Variants in GK observed in about 807,000 individuals in gnomAD.
GK encodes glycerol kinase.
GK carries 9 observed loss-of-function variants against 56.4 expected under a neutral mutation model. The observed-to-expected ratio is 0.16, with a 90% CI of 0.10 to 0.28. GK has a LOEUF of 0.28. Among genes scored for constraint, GK ranks in the 10% least tolerant of loss-of-function variants. GK has a pLI of 1.00. For synonymous variants in GK, 104 were observed against 144.1 expected (o/e 0.72, Z 1.99); for missense variants, 161 against 431.4 (o/e 0.37, Z 5.55).
chrX:30,698,766 T>C (rs1452694438), intron 9 of GK, among the ~76,000 whole-genome samples: 25 of 99,726 alleles, frequency 2.5e-4, no homozygotes, highest in African/African-American at 9.5e-4. Flanking sequence ...CTCGGGAGGC[T>C]GAGGCAGGAG....
rs1181532532 is a variant in GK at position 30,720,755 on chromosome X, C to A, written c.1357+14C>A. 8.3e-7 allele frequency: 1 copy of A among 1,209,312 alleles called. No individual in the cohort carries two copies. On this transcript the variant is annotated intron_variant, in intron 17 of 20. Transcript: ENST00000427190. ...ATATACCAGTAGGTTAGTAAGTCTT[C>A]ATTCCTTTAAACTCCCAGAGTAATG...
In GK at chrX:30,696,651, G is replaced by A; in HGVS notation, c.697G>A (p.Val233Ile). Residue 233 changes from valine to isoleucine, a missense_variant, in exon 8 of 21, where the codon GTC becomes ATC. By Grantham distance (29) the Val-to-Ile change is conservative. Coordinates refer to ENST00000427190, the MANE Select transcript of GK (RefSeq NM_001205019.2). ...AATTCCAATGGAAATTCTTCCAAATGTCCGGAGTTCTTCTGAGATCTATGG... is the reference window on the plus strand; with the variant it reads ...AATTCCAATGGAAATTCTTCCAAATATCCGGAGTTCTTCTGAGATCTATGG... ...FGIPMEILPN[V>I]RSSSEIYGLM... The A allele has an allele frequency of 8.3e-7, 1 of 1,202,589 alleles. No homozygotes were observed. The highest frequency in any genetic ancestry group is 1.1e-6 in the Non-Finnish European group (1 of 889,166).
At chrX:30,695,859 G>C (rs1488889986) in intron 6 of GK, among the ~76,000 whole-genome samples, 183 bp from the exon 7 acceptor site, 1 of 112,550 alleles carries the variant, frequency 8.9e-6, no homozygotes, top group African/African-American at 3.2e-5. Flanking sequence ...TGATCAAATT[G>C]AGGTTTGCTG....
chrX:30,678,657 T>C (rs1934074413), intron 4 of GK, among the ~76,000 whole-genome samples: 1 of 105,073 alleles, frequency 9.5e-6, no homozygotes, highest in African/African-American at 3.4e-5. Context: ...TTTTAGTACA[T>C]CTTTTTCTGT....
chrX:30,690,773 C>T (rs999827095), intron 4 of GK, among the ~76,000 whole-genome samples: 1 of 111,564 alleles, frequency 9.0e-6, no homozygotes, highest in African/African-American at 3.3e-5. Flanking sequence ...ACTAGCCTGC[C>T]TAGCTTTTAG....
chrX:30,724,909 C>T (rs188850118), intron 19 of GK, among the ~76,000 whole-genome samples: 1 of 107,384 alleles, frequency 9.3e-6, no homozygotes, highest in East Asian at 2.9e-4. Flanking sequence ...GAGACAGAGT[C>T]TCGCTCCGTC....
At chrX:30,679,519 T>A (rs1395903336) in intron 4 of GK, among the ~76,000 whole-genome samples, 1 of 112,006 alleles carries the variant, frequency 8.9e-6, no homozygotes, top group African/African-American at 3.2e-5. Context: ...ATTGTAAAAA[T>A]GGAACTTTGG....
chrX:30,730,959 A>G lies in GK; in HGVS notation c.*2217A>G, dbSNP rs1410968124. 1 of 111,831 alleles carries G rather than the reference A, an allele frequency of 8.9e-6. No individual in the cohort carries two copies. The allele number at this position is 111,831 out of a possible 1,213,427, so 9.2% of individuals were successfully genotyped here. The stretch of plus-strand genomic sequence containing the variant: ...CTGTCCCATCTCAGCATTTGCAAAA[A>G]ATAATGTTGGTAAGGTCAGCAGCCA... On this transcript the variant is annotated 3_prime_UTR_variant, in exon 21 of 21. Transcript: ENST00000427190.
Position 30,676,118 on chromosome X carries a change from A to G in GK, c.260-1257A>G, listed in dbSNP as rs149337480. ...CTGGCTAATTTTTAAAAATTTTTTTATAGAGACTGGGTTTTGCTACATTGC... is the reference window on the plus strand; with the variant it reads ...CTGGCTAATTTTTAAAAATTTTTTTGTAGAGACTGGGTTTTGCTACATTGC... On this transcript the variant is annotated intron_variant, in intron 3 of 20. Transcript: ENST00000427190. Among the ~76,000 whole-genome samples, 783 of 111,017 alleles carry G rather than the reference A, an allele frequency of 7.1e-3. 7 individuals are homozygous for G. The highest frequency in any genetic ancestry group is 0.019 in the Middle Eastern group (4 of 210).
intron 4 of GK, among the ~76,000 whole-genome samples, chrX:30,679,647 T>C (rs1244248750): frequency 3.6e-5 from 4 of 111,878 alleles, no homozygotes; most frequent in African/African-American, 9.7e-5. Context: ...ATTTACTTAT[T>C]TCCTTCTCTT....
chrX:30,704,527 A>G (rs1935882085), intron 11 of GK, among the ~76,000 whole-genome samples: 1 of 109,052 alleles, frequency 9.2e-6, no homozygotes, highest in African/African-American at 3.4e-5. Context: ...ATGGAGGCTG[A>G]GTACCAAGAA....
rs761120386 is a variant in GK, at chrX:30,699,197, T to C, written c.748-1217T>C. Among the ~76,000 whole-genome samples, 10 of 101,556 alleles carry C rather than the reference T, an allele frequency of 9.8e-5. No individual in the cohort carries two copies. In the Admixed American group the frequency reaches 1.1e-3, roughly 11 times the overall value. The allele number at this position is 101,556 out of a possible 115,157, so 88.2% of individuals were successfully genotyped here. On this transcript the variant is annotated intron_variant, in intron 9 of 20. Coordinates refer to ENST00000427190, the MANE Select transcript of GK (RefSeq NM_001205019.2). ...ATTTTATATATATATATATGTTTTA[T>C]ATATATGTTATATATATACATGTTA...
chrX:30,697,538 T>C (rs908739165), intron 8 of GK, among the ~76,000 whole-genome samples, 194 bp from the exon 9 acceptor site: 4 of 111,608 alleles, frequency 3.6e-5, no homozygotes, highest in African/African-American at 1.3e-4. Context: ...CCATAGTCAC[T>C]GCTTATCTAC....
At chrX:30,722,040 C>T in intron 18 of GK, 1 of 111,137 alleles carries the variant, frequency 9.0e-6, no homozygotes, top group Non-Finnish European at 1.9e-5. Context: ...TCGAGTCCAG[C>T]CTAGGCAACA....
intron 11 of GK, among the ~76,000 whole-genome samples, chrX:30,702,831 G>A (rs989851998): frequency 8.9e-6 from 1 of 112,520 alleles, no homozygotes; most frequent in African/African-American, 3.2e-5. Flanking sequence ...TAGATTAAAC[G>A]TTCTTGTAGT....
At position 30,694,411 on chromosome X, in the gene GK, C is replaced by A; in HGVS notation, c.426C>A (p.Gly142=). 1 of 1,202,910 alleles carries A rather than the reference C, an allele frequency of 8.3e-7. No homozygotes were observed. The highest frequency in any genetic ancestry group is 1.8e-5 in the South Asian group (1 of 56,819). ...GNNNFVKSKT[G]LPLSTYFSAV... ...CACAACTGTTTTAGTCCAAGACAGG[C>A]CTTCCACTTAGCACTTACTTCAGTG... Residue 142 remains glycine, a synonymous_variant, in exon 6 of 21, where the codon GGC becomes GGA. Transcript: ENST00000427190.
At chrX:30,676,997 G>A (rs752292231) in intron 3 of GK, among the ~76,000 whole-genome samples, 63 of 111,527 alleles carry the variant, frequency 5.6e-4, no homozygotes, top group Non-Finnish European at 9.0e-4. Flanking sequence ...ATTTCTTGTA[G>A]CAATTGGTAA....
At chrX:30,676,822 T>C (rs1933937424) in intron 3 of GK, among the ~76,000 whole-genome samples, 1 of 111,825 alleles carries the variant, frequency 8.9e-6, no homozygotes, top group African/African-American at 3.3e-5. Context: ...AATTCTTATG[T>C]ATTGTGACAT....
chrX:30,674,307 C>A, intron 3 of GK: 1 of 331,065 alleles, frequency 3.0e-6, no homozygotes, highest in Non-Finnish European at 5.9e-6. Flanking sequence ...GGCAGATAAC[C>A]CTACCTCCTG....
Sources: allele counts gnomAD v4.1 joint callset (sites outside exome capture counted in the v4.1 genomes callset), GRCh38; gene constraint gnomAD v4.1.1; transcripts MANE v1.5; gene names NCBI Gene and HGNC (gene_info 2026-07-23, HGNC 2026-07-21).